The following SRPK2 variants were observed in gnomAD, a reference collection of about 807,000 sequenced individuals.
The protein encoded by SRPK2 is SRSF protein kinase 2.
Under a neutral mutation model 90.8 loss-of-function variants are expected in SRPK2, and 21 were observed. The ratio of observed to expected loss-of-function variants is 0.23; its 90% CI spans 0.16 to 0.33. The LOEUF is 0.33. Among genes scored for constraint, SRPK2 ranks in the 10% least tolerant of loss-of-function variants. The pLI is 1.00. For missense variants in SRPK2, 620 were observed against 869.0 expected (o/e 0.71, Z 3.60); for synonymous variants, 288 against 311.1 (o/e 0.93, Z 0.78).
intron 2 of SRPK2, among the ~76,000 whole-genome samples, chr7:105,341,915 C>T (rs1355907012): frequency 4.0e-5 from 6 of 151,836 alleles, no homozygotes; most frequent in Non-Finnish European, 5.9e-5. Flanking sequence ...TGTAGTGAGC[C>T]GAGATCGTGC....
intron 2 of SRPK2, among the ~76,000 whole-genome samples, chr7:105,228,043 C>G (rs770933805): frequency 6.6e-6 from 1 of 151,992 alleles, no homozygotes; most frequent in African/African-American, 2.4e-5. Context: ...AACCAATATC[C>G]TAATTTCTTT....
intron 2 of SRPK2, among the ~76,000 whole-genome samples, chr7:105,357,706 T>G (rs926045467): frequency 6.6e-6 from 1 of 151,542 alleles, no homozygotes; most frequent in Admixed American, 6.6e-5. Flanking sequence ...ATCACACCAT[T>G]GCACTCCAGC....
At chr7:105,217,987 T>A (rs571322417) in intron 2 of SRPK2, among the ~76,000 whole-genome samples, 2 of 152,274 alleles carry the variant, frequency 1.3e-5, no homozygotes, top group African/African-American at 4.8e-5. Flanking sequence ...CTAAAAATTC[T>A]CAAAGAAAGG....
At chr7:105,126,137 T>G (rs1475804530) in intron 15 of SRPK2, 111 bp downstream of exon 15, 1 of 911,708 alleles carries the variant, frequency 1.1e-6, no homozygotes, top group African/African-American at 1.6e-5. Flanking sequence ...TTCTGCTGGG[T>G]TGCGTTTCGA....
chr7:105,289,059 G>A lies in SRPK2; in HGVS notation c.72-85274C>T, dbSNP rs951914048. ...ATCACAAGGTCAGGAGATCGAGACCGTCTTGGCTAACATGGTGAAACCCCA... is the reference window on the plus strand; with the variant it reads ...ATCACAAGGTCAGGAGATCGAGACCATCTTGGCTAACATGGTGAAACCCCA... On this transcript the variant is annotated intron_variant, in intron 2 of 15. Coordinates refer to ENST00000393651, the MANE Select transcript of SRPK2 (RefSeq NM_182692.3). Among the ~76,000 whole-genome samples, 47 of 141,446 alleles carry A rather than the reference G, an allele frequency of 3.3e-4. 1 individual carries two copies. The highest frequency in any genetic ancestry group is 2.4e-4 in the African/African-American group (9 of 37,862). The allele number at this position is 141,446 out of a possible 152,430, so 92.8% of individuals were successfully genotyped here.
intron 2 of SRPK2, among the ~76,000 whole-genome samples, chr7:105,309,536 G>A (rs999786882): frequency 6.6e-6 from 1 of 152,126 alleles, no homozygotes; most frequent in South Asian, 2.1e-4. Flanking sequence ...CAGAAAGCCA[G>A]AACTGCAAAA....
intron 2 of SRPK2, among the ~76,000 whole-genome samples, chr7:105,360,713 T>C (rs895376362): frequency 5.9e-5 from 9 of 152,228 alleles, no homozygotes; most frequent in Non-Finnish European, 7.3e-5. Context: ...TTCTGACTTG[T>C]AGGGTTTCTG....
intron 2 of SRPK2, among the ~76,000 whole-genome samples, chr7:105,341,844 G>A (rs1407406610): frequency 6.6e-6 from 1 of 152,118 alleles, no homozygotes; most frequent in African/African-American, 2.4e-5. Flanking sequence ...GCCCGCGCCT[G>A]TAATCCCAGC....
intron 1 of SRPK2, among the ~76,000 whole-genome samples, chr7:105,395,432 T>TA (rs1329293887): frequency 1.3e-5 from 2 of 150,914 alleles, no homozygotes; most frequent in African/African-American, 2.4e-5. Flanking sequence ...AACACTGAAT[T>TA]AAAGAACTTA....
chr7:105,388,493 C>G (rs1038209685), intron 2 of SRPK2, among the ~76,000 whole-genome samples, 155 bp downstream of exon 2: 11 of 146,792 alleles, frequency 7.5e-5, no homozygotes, highest in African/African-American at 2.7e-4. Context: ...CCCCTCCCCC[C>G]GGGCCGCCCG....
intron 6 of SRPK2, among the ~76,000 whole-genome samples, chr7:105,163,117 CAA>C (rs1412616738): frequency 6.6e-6 from 1 of 152,082 alleles, no homozygotes; most frequent in South Asian, 2.1e-4. Flanking sequence ...GAGGGATTTT[CAA>C]AAAGTCTATG....
intron 2 of SRPK2, among the ~76,000 whole-genome samples, chr7:105,352,717 T>C (rs1035172812): frequency 6.6e-5 from 10 of 152,136 alleles, no homozygotes; most frequent in African/African-American, 2.4e-4. Flanking sequence ...CTGGCCAACA[T>C]AGTGAAACCC....
intron 3 of SRPK2, among the ~76,000 whole-genome samples, chr7:105,187,927 T>C (rs925132669): frequency 6.6e-6 from 1 of 152,124 alleles, no homozygotes; most frequent in Non-Finnish European, 1.5e-5. Context: ...ATAACCAAGA[T>C]AGGATTGCTG....
chr7:105,246,681 C>T (rs1246438711), intron 2 of SRPK2, among the ~76,000 whole-genome samples: 1 of 152,234 alleles, frequency 6.6e-6, no homozygotes, highest in Non-Finnish European at 1.5e-5. Context: ...CTTCTATCTA[C>T]TTCTTCACTA....
chr7:105,237,656 T>C (rs1800299458), intron 2 of SRPK2, among the ~76,000 whole-genome samples: 1 of 152,314 alleles, frequency 6.6e-6, no homozygotes, highest in Non-Finnish European at 1.5e-5. Context: ...TGATACATAC[T>C]TTAAAACTTG....
At chr7:105,344,014 T>A (rs1434883131) in intron 2 of SRPK2, among the ~76,000 whole-genome samples, 1 of 152,202 alleles carries the variant, frequency 6.6e-6, no homozygotes, top group African/African-American at 2.4e-5. Context: ...TCCACCCGAC[T>A]CAGCCTCCCA....
intron 2 of SRPK2, among the ~76,000 whole-genome samples, chr7:105,317,952 T>C (rs1038162908): frequency 6.6e-6 from 1 of 152,152 alleles, no homozygotes; most frequent in Non-Finnish European, 1.5e-5. Context: ...GGTTTCACCA[T>C]GTTGCCCAGG....
At chr7:105,171,555 AG>A (rs1585043160) in intron 3 of SRPK2, among the ~76,000 whole-genome samples, 2 of 152,284 alleles carry the variant, frequency 1.3e-5, no homozygotes, top group Admixed American at 1.3e-4. Flanking sequence ...GAGCAGTTAT[AG>A]GAAGTATCTA....
At chr7:105,234,462 A>G (rs2129620676) in intron 2 of SRPK2, among the ~76,000 whole-genome samples, 1 of 152,314 alleles carries the variant, frequency 6.6e-6, no homozygotes, top group East Asian at 1.9e-4. Context: ...AATACCATGA[A>G]GACAAAATTT....
Sources: gnomAD v4.1 joint callset for allele counts (sites outside exome capture counted in the v4.1 genomes callset) on GRCh38, gnomAD v4.1.1 for gene constraint, MANE v1.5 for transcripts, NCBI Gene and HGNC (gene_info 2026-07-23, HGNC 2026-07-21) for gene names.